Variants in SOX5 observed in about 807,000 individuals in gnomAD.
The protein encoded by SOX5 is transcription factor SOX-5.
In SOX5, 9 loss-of-function variants were observed where a neutral mutation model predicts 92.0. That is an observed-to-expected ratio of 0.10 (90% CI 0.06 to 0.17). The LOEUF (loss-of-function observed/expected upper bound fraction) is 0.17, where lower values mean the gene tolerates loss of function less well. Ranked by LOEUF, SOX5 falls within the 10% of genes least tolerant of loss-of-function variation. The pLI is 1.00. For missense variants in SOX5, 642 were observed against 944.5 expected (o/e 0.68, Z 4.20); for synonymous variants, 344 against 336.3 (o/e 1.02, Z -0.25).
chr12:23,626,463 A>G (rs1049925897), intron 8 of SOX5, among the ~76,000 whole-genome samples: 15 of 152,122 alleles, frequency 9.9e-5, no homozygotes, highest in African/African-American at 3.6e-4. Flanking sequence ...TTTCCTGCTT[A>G]ATTGGATCTT....
At position 24,171,795 on chromosome 12, in the gene SOX5, C is replaced by T. The variant is rs1481269554; in HGVS notation, c.-2+41548G>A. ...GGAGGATTGCTGGAGCCCAGGAGTT[C>T]GAGGGCAGCCTGGGCAACACAGCAA... is the stretch of plus-strand genomic sequence containing the variant. On this transcript the variant is annotated intron_variant, in intron 4 of 4. Coordinates refer to the SOX5 transcript ENST00000446891. Among the ~76,000 whole-genome samples, 7 of 151,348 alleles carry T rather than the reference C, an allele frequency of 4.6e-5. No homozygotes were observed. In the South Asian group the frequency reaches 6.3e-4, roughly 14 times the overall value.
chr12:23,719,805 A>AAAC (rs1567208815), intron 6 of SOX5, among the ~76,000 whole-genome samples: 1 of 148,926 alleles, frequency 6.7e-6, no homozygotes, highest in East Asian at 2.0e-4. Context: ...AAAAAAAAAA[A>AAAC]AAAAAACTGA....
chr12:23,770,048 GTTTTTTT>G (rs71059922), intron 3 of SOX5, among the ~76,000 whole-genome samples: 4 of 106,522 alleles, frequency 3.8e-5, no homozygotes, highest in Non-Finnish European at 7.5e-5. Flanking sequence ...TGCTCCCTCT[GTTTTTTT>G]TTTTTTTTTT....
At chr12:24,288,007 G>A (rs1946116066) in intron 2 of SOX5, among the ~76,000 whole-genome samples, 2 of 152,080 alleles carry the variant, frequency 1.3e-5, no homozygotes. Flanking sequence ...TTCTTTCCAG[G>A]GCCATGAATG....
chr12:24,046,602 A>T (rs1957048909), intron 4 of SOX5, among the ~76,000 whole-genome samples: 1 of 152,158 alleles, frequency 6.6e-6, no homozygotes. Context: ...CTTAATTATG[A>T]AAAAGTAAAA....
intron 1 of SOX5, among the ~76,000 whole-genome samples, chr12:24,488,379 G>A (rs952946289): frequency 5.9e-5 from 9 of 152,048 alleles, no homozygotes; most frequent in African/African-American, 1.4e-4. Context: ...GCTTGAGGCC[G>A]GGATTCAAGA....
At chr12:23,542,435 A>ATCT (rs1336807702) in intron 13 of SOX5, among the ~76,000 whole-genome samples, 2 of 151,066 alleles carry the variant, frequency 1.3e-5, no homozygotes, top group African/African-American at 4.9e-5. Flanking sequence ...AAGCAATGGA[A>ATCT]TCTTCTTTTT....
At chr12:23,950,828 A>G, upstream of SOX5, 6 of 1,526,772 alleles carry the variant, frequency 3.9e-6, no homozygotes, top group Non-Finnish European at 5.3e-6. Context: ...CTTTGACACG[A>G]AATGACAGAG....
At chr12:24,090,231 T>G (rs926049668) in intron 4 of SOX5, among the ~76,000 whole-genome samples, 2 of 152,154 alleles carry the variant, frequency 1.3e-5, no homozygotes, top group African/African-American at 4.8e-5. Flanking sequence ...ACAACAAATC[T>G]ATAGTTTACA....
intron 4 of SOX5, among the ~76,000 whole-genome samples, chr12:24,149,351 CA>C (rs1366028622): frequency 6.6e-6 from 1 of 151,798 alleles, no homozygotes; most frequent in East Asian, 1.9e-4. Context: ...TCTCAAAACT[CA>C]ATAATAAAAA....
chr12:23,992,327 G>A (rs1195014989), intron 4 of SOX5, among the ~76,000 whole-genome samples: 1 of 151,994 alleles, frequency 6.6e-6, no homozygotes, highest in Non-Finnish European at 1.5e-5. Flanking sequence ...AGAAACTAAT[G>A]TGCCACAAAA....
At chr12:23,877,259 A>G (rs2096937801) in intron 2 of SOX5, among the ~76,000 whole-genome samples, 1 of 151,606 alleles carries the variant, frequency 6.6e-6, no homozygotes, top group Non-Finnish European at 1.5e-5. Context: ...TTGGTATTGC[A>G]GTTATGCTAA....
intron 2 of SOX5, among the ~76,000 whole-genome samples, chr12:24,309,691 G>A (rs1334230444): frequency 3.3e-5 from 5 of 151,994 alleles, no homozygotes; most frequent in African/African-American, 1.2e-4. Flanking sequence ...CTTTCTTGTG[G>A]TACATATATA....
intron 1 of SOX5, among the ~76,000 whole-genome samples, chr12:24,515,050 G>A (rs1241085099): frequency 6.6e-6 from 1 of 151,954 alleles, no homozygotes; most frequent in African/African-American, 2.4e-5. Context: ...TTAAAAGTAA[G>A]AAAAAAGACT....
intron 4 of SOX5, among the ~76,000 whole-genome samples, chr12:24,170,609 G>A (rs1355534902): frequency 2.0e-5 from 3 of 152,098 alleles, no homozygotes; most frequent in African/African-American, 7.2e-5. Flanking sequence ...GAATTTGAGT[G>A]ATAAAACTTG....
chr12:23,951,615 T>C (rs1206490872), upstream of SOX5, among the ~76,000 whole-genome samples: 2 of 151,248 alleles, frequency 1.3e-5, no homozygotes, highest in African/African-American at 4.9e-5. Context: ...ACTTAATATT[T>C]AATTCTATCA....
At chr12:24,116,275 T>C (rs1035821314) in intron 4 of SOX5, among the ~76,000 whole-genome samples, 4 of 152,132 alleles carry the variant, frequency 2.6e-5, no homozygotes, top group African/African-American at 9.6e-5. Flanking sequence ...GTTCTCAAAA[T>C]AATATTTTAA....
intron 2 of SOX5, among the ~76,000 whole-genome samples, chr12:24,293,184 A>G (rs2140527068): frequency 6.6e-6 from 1 of 152,348 alleles, no homozygotes; most frequent in East Asian, 1.9e-4. Context: ...TCAACACTAT[A>G]GCTATAAGGT....
chr12:24,076,698 C>T (rs1051636025), intron 4 of SOX5, among the ~76,000 whole-genome samples: 74 of 111,998 alleles, frequency 6.6e-4, no homozygotes, highest in African/African-American at 2.1e-3. Context: ...TCCAAAGCTG[C>T]CTTTTTTTTT....
Sources: allele counts gnomAD v4.1 joint callset (sites outside exome capture counted in the v4.1 genomes callset), GRCh38; gene constraint gnomAD v4.1.1; transcripts MANE v1.5; gene names NCBI Gene and HGNC (gene_info 2026-07-23, HGNC 2026-07-21).